The following CAST variants were observed in gnomAD, a reference collection of about 807,000 sequenced individuals.
CAST encodes calpastatin.
A neutral mutation model predicts 119.6 loss-of-function variants in CAST; 76 were observed. The ratio of observed to expected loss-of-function variants is 0.64; its 90% CI spans 0.53 to 0.77. The LOEUF (loss-of-function observed/expected upper bound fraction) is 0.77, where lower values mean the gene tolerates loss of function less well. Among genes scored for constraint, CAST ranks in the 30% least tolerant of loss-of-function variants. CAST has a pLI of 0.00. For missense variants in CAST, 953 were observed against 946.5 expected (o/e 1.01, Z -0.09); for synonymous variants, 319 against 331.6 (o/e 0.96, Z 0.41).
At chr5:96,686,407 G>T (rs1301541668) in intron 2 of CAST, among the ~76,000 whole-genome samples, 3 of 152,100 alleles carry the variant, frequency 2.0e-5, no homozygotes, top group Non-Finnish European at 4.4e-5. Flanking sequence ...AAAGTGGGAA[G>T]GATAACTCAA....
the CAST span, among the ~76,000 whole-genome samples, chr5:96,420,531 A>G: frequency 6.6e-6 from 1 of 152,186 alleles, no homozygotes; most frequent in East Asian, 1.9e-4. Flanking sequence ...TGGTACGGAA[A>G]GAAGTCATAT....
the CAST span, among the ~76,000 whole-genome samples, chr5:96,260,434 T>C: frequency 6.6e-6 from 1 of 152,170 alleles, no homozygotes; most frequent in South Asian, 2.1e-4. Context: ...AGCTTCAGAG[T>C]GAACCACTCA....
the CAST span, among the ~76,000 whole-genome samples, chr5:96,013,351 C>G: frequency 6.6e-6 from 1 of 151,666 alleles, no homozygotes; most frequent in Non-Finnish European, 1.5e-5. Context: ...CCCATTTATA[C>G]TTTTTGAATT....
chr5:96,034,373 C>T, the CAST span, among the ~76,000 whole-genome samples: 10 of 150,846 alleles, frequency 6.6e-5, no homozygotes, highest in African/African-American at 2.4e-4. Flanking sequence ...TAAATTAGTA[C>T]AGCCATTATG....
chr5:96,044,908 C>T, the CAST span, among the ~76,000 whole-genome samples: 2 of 152,086 alleles, frequency 1.3e-5, no homozygotes, highest in Admixed American at 1.3e-4. Flanking sequence ...AATTTCAAAA[C>T]TAGGCAAAAT....
At chr5:96,590,320 A>G (rs574982795) in intron 1 of CAST, among the ~76,000 whole-genome samples, 2 of 152,350 alleles carry the variant, frequency 1.3e-5, no homozygotes, top group Middle Eastern at 3.4e-3. Flanking sequence ...TATAGTTAAC[A>G]TTGATACTTG....
chr5:96,340,092 C>T, the CAST span, among the ~76,000 whole-genome samples: 1 of 152,138 alleles, frequency 6.6e-6, no homozygotes, highest in East Asian at 1.9e-4. Context: ...ATTTTTTAAG[C>T]AGTCAGTATT....
the CAST span, among the ~76,000 whole-genome samples, chr5:96,149,642 C>T: frequency 6.6e-6 from 1 of 152,136 alleles, no homozygotes; most frequent in African/African-American, 2.4e-5. Context: ...AGATTTATTT[C>T]TGAATATCAC....
the CAST span, among the ~76,000 whole-genome samples, chr5:96,005,628 C>A: frequency 2.0e-5 from 3 of 152,090 alleles, no homozygotes; most frequent in Admixed American, 6.6e-5. Context: ...TCAAGTATAT[C>A]AGTTACGTTG....
chr5:96,770,837 T>G (rs1477988988), intron 30 of CAST, among the ~76,000 whole-genome samples: 1 of 152,172 alleles, frequency 6.6e-6, no homozygotes, highest in Non-Finnish European at 1.5e-5. Context: ...CCAATTTGCC[T>G]GTGTTTTGCC....
the CAST span, chr5:95,961,680 G>T: frequency 1.2e-6 from 2 of 1,606,766 alleles, no homozygotes; most frequent in Non-Finnish European, 1.7e-6. Context: ...ACAGCCCATA[G>T]CGCTGCTCCT....
chr5:96,517,451 G>T, the CAST span, among the ~76,000 whole-genome samples: 4 of 152,280 alleles, frequency 2.6e-5, no homozygotes, highest in South Asian at 8.3e-4. Flanking sequence ...AAGTGTCACC[G>T]TGGAGACCAG....
At chr5:96,526,261 A>C (rs907800044), upstream of CAST, among the ~76,000 whole-genome samples, 2 of 152,212 alleles carry the variant, frequency 1.3e-5, no homozygotes, top group Admixed American at 6.5e-5. Flanking sequence ...ACTGAGACTT[A>C]TATAGCATTC....
chr5:96,074,104 T>G, the CAST span, among the ~76,000 whole-genome samples: 23 of 152,158 alleles, frequency 1.5e-4, no homozygotes, highest in Non-Finnish European at 3.2e-4. Flanking sequence ...ACTAATTCTT[T>G]CTAGTGAACA....
chr5:96,065,321 G>GA, the CAST span, among the ~76,000 whole-genome samples: 2 of 151,760 alleles, frequency 1.3e-5, no homozygotes, highest in African/African-American at 4.8e-5. Flanking sequence ...ATGTTGTGAG[G>GA]AAAAAAATTA....
At chr5:96,168,080 A>G in the CAST span, among the ~76,000 whole-genome samples, 1 of 152,198 alleles carries the variant, frequency 6.6e-6, no homozygotes, top group African/African-American at 2.4e-5. Flanking sequence ...GTGAGGCTGG[A>G]AGGAGATATT....
the CAST span, among the ~76,000 whole-genome samples, chr5:96,197,320 A>G: frequency 1.2e-3 from 188 of 152,296 alleles, no homozygotes; most frequent in African/African-American, 4.4e-3. Flanking sequence ...ACAGTCTCCC[A>G]ACTTCTCCCC....
chr5:95,986,568 TA>T, the CAST span, among the ~76,000 whole-genome samples: 322 of 152,298 alleles, frequency 2.1e-3, 2 homozygotes, highest in African/African-American at 7.3e-3. Flanking sequence ...TTCCTCTTTT[TA>T]ACTTTTTGTC....
At chr5:96,161,742 C>A in the CAST span, among the ~76,000 whole-genome samples, 1 of 152,128 alleles carries the variant, frequency 6.6e-6, no homozygotes, top group African/African-American at 2.4e-5. Context: ...GTTTTCTGAT[C>A]TATGAACATA....
Sources: gnomAD v4.1 joint callset for allele counts (sites outside exome capture counted in the v4.1 genomes callset) on GRCh38, gnomAD v4.1.1 for gene constraint, MANE v1.5 for transcripts, NCBI Gene and HGNC (gene_info 2026-07-23, HGNC 2026-07-21) for gene names.